Variants in BRINP3 observed in about 807,000 individuals in gnomAD.
BRINP3 encodes the protein BMP/retinoic acid-inducible neural-specific protein 3.
A neutral mutation model predicts 71.0 loss-of-function variants in BRINP3; 19 were observed. The ratio of observed to expected loss-of-function variants is 0.27; its 90% CI spans 0.19 to 0.39. The LOEUF (loss-of-function observed/expected upper bound fraction) is 0.39. BRINP3 is among the 10% of genes least tolerant of loss of function. The pLI is 1.00. For missense variants in BRINP3, 959 were observed against 940.8 expected, an observed-to-expected ratio of 1.02 and a Z score of -0.25; for synonymous variants, 380 against 337.7, an observed-to-expected ratio of 1.13 and a Z score of -1.37.
At chr1:190,368,183 C>T (rs1178382078) in intron 2 of BRINP3, among the ~76,000 whole-genome samples, 3 of 152,052 alleles carry the variant, frequency 2.0e-5, no homozygotes, top group African/African-American at 7.2e-5. Context: ...ACTGGGGAGG[C>T]CTCAGGAAAC....
intron 2 of BRINP3, among the ~76,000 whole-genome samples, chr1:190,301,207 A>G (rs1377090119): frequency 5.5e-5 from 1 of 18,274 alleles, no homozygotes; most frequent in African/African-American, 1.5e-4. Flanking sequence ...ACACATACAT[A>G]TATATATATA....
chr1:190,204,127 A>G (rs970976425), intron 6 of BRINP3, among the ~76,000 whole-genome samples: 3 of 151,866 alleles, frequency 2.0e-5, no homozygotes, highest in Admixed American at 6.6e-5. Flanking sequence ...TTTTTCTTGA[A>G]TAAGAGCTGG....
chr1:190,396,000 AGG>A (rs1216233512), intron 2 of BRINP3, among the ~76,000 whole-genome samples: 1 of 151,850 alleles, frequency 6.6e-6, no homozygotes, highest in African/African-American at 2.4e-5. Context: ...GAAGCAAGGA[AGG>A]AAGGAAGGAG....
chr1:190,410,473 A>T (rs1414153993), intron 2 of BRINP3, among the ~76,000 whole-genome samples: 1 of 152,118 alleles, frequency 6.6e-6, no homozygotes, highest in Non-Finnish European at 1.5e-5. Context: ...ATATTAGAAG[A>T]CAGTCTGAGG....
chr1:190,394,242 T>C (rs1671433081), intron 2 of BRINP3, among the ~76,000 whole-genome samples: 1 of 151,546 alleles, frequency 6.6e-6, no homozygotes, highest in Non-Finnish European at 1.5e-5. Context: ...TTCTCTCTCT[T>C]TTCACTTATG....
chr1:190,412,165 G>C (rs1015555572), intron 2 of BRINP3, among the ~76,000 whole-genome samples: 2 of 151,792 alleles, frequency 1.3e-5, no homozygotes, highest in Middle Eastern at 3.2e-3. Flanking sequence ...GTACCTAACA[G>C]AAAAAGAGTA....
chr1:190,155,047 C>T (rs1351661656), intron 7 of BRINP3, among the ~76,000 whole-genome samples: 2 of 152,014 alleles, frequency 1.3e-5, no homozygotes, highest in Non-Finnish European at 2.9e-5. Context: ...AATGTAAAGG[C>T]TTTTCTCATG....
chr1:190,115,724 A>C (rs138806105), intron 7 of BRINP3, among the ~76,000 whole-genome samples: 1 of 152,144 alleles, frequency 6.6e-6, no homozygotes, highest in Non-Finnish European at 1.5e-5. Context: ...CTTAGGACAG[A>C]TAAGAGAAGA....
At chr1:190,225,796 A>G (rs1300548605) in intron 6 of BRINP3, among the ~76,000 whole-genome samples, 1 of 151,956 alleles carries the variant, frequency 6.6e-6, no homozygotes, top group Non-Finnish European at 1.5e-5. Context: ...GAGGTATCAG[A>G]TGATAACTTA....
chr1:190,191,360 G>A (rs1194632354), intron 6 of BRINP3, among the ~76,000 whole-genome samples: 1 of 151,946 alleles, frequency 6.6e-6, no homozygotes, highest in Non-Finnish European at 1.5e-5. Context: ...CGTGTGCCAT[G>A]GTAGTTTGCT....
chr1:190,467,482 G>A (rs184297564), intron 1 of BRINP3, among the ~76,000 whole-genome samples: 29 of 151,584 alleles, frequency 1.9e-4, no homozygotes, highest in Admixed American at 8.6e-4. Context: ...AGTAAAGCAT[G>A]TCAGAACTCT....
intron 2 of BRINP3, among the ~76,000 whole-genome samples, chr1:190,445,488 ACAT>A (rs939973571): frequency 1.3e-5 from 2 of 152,244 alleles, no homozygotes; most frequent in Non-Finnish European, 2.9e-5. Flanking sequence ...TTAGTGAGAA[ACAT>A]CATAATGCAA....
rs922619370 is a variant in BRINP3 at position 190,389,561 on chromosome 1, G to A, written c.236+65094C>T. Among the ~76,000 whole-genome samples the A allele has an allele frequency of 4.0e-5, 6 of 151,784 alleles. No homozygotes were observed. In the South Asian group the frequency reaches 6.2e-4, roughly 16 times the overall value. ...AGGGAAACACATTGGACCTAATTTGGCCCGTAACATTGAAGTGAGTAGCTA... is the reference window on the plus strand; with the variant it reads ...AGGGAAACACATTGGACCTAATTTGACCCGTAACATTGAAGTGAGTAGCTA... On this transcript the variant is annotated intron_variant, in intron 2 of 7. Coordinates refer to ENST00000367462, the MANE Select transcript of BRINP3 (RefSeq NM_199051.3).
intron 6 of BRINP3, among the ~76,000 whole-genome samples, chr1:190,164,829 A>G (rs189240173): frequency 6.6e-5 from 10 of 151,704 alleles, no homozygotes; most frequent in African/African-American, 2.2e-4. Context: ...CATCTCATCG[A>G]CCCAAAACGC....
intron 2 of BRINP3, among the ~76,000 whole-genome samples, chr1:190,338,928 G>A (rs577453223): frequency 6.6e-6 from 1 of 151,504 alleles, no homozygotes; most frequent in African/African-American, 2.4e-5. Flanking sequence ...ATAGTTACAA[G>A]GTGTGATGGT....
rs998818336 is a variant in BRINP3 at position 190,448,515 on chromosome 1, C to A, written c.236+6140G>T. On this transcript the variant is annotated intron_variant, in intron 2 of 7. Transcript: ENST00000367462. ...TGTGATCTATTTCATCCATAAAAATCAAAATAGCAGATTAAAGTTTCTTGT... is the reference window on the plus strand; with the variant it reads ...TGTGATCTATTTCATCCATAAAAATAAAAATAGCAGATTAAAGTTTCTTGT... Among the ~76,000 whole-genome samples, 15 of 148,662 alleles carry A rather than the reference C, an allele frequency of 1.0e-4. No individual in the cohort carries two copies. In the South Asian group the frequency reaches 3.2e-3, roughly 32 times the overall value.
intron 1 of BRINP3, among the ~76,000 whole-genome samples, chr1:190,470,685 T>G (rs1421524650): frequency 6.6e-6 from 1 of 151,174 alleles, no homozygotes; most frequent in Non-Finnish European, 1.5e-5. Context: ...TTTCTCAGTT[T>G]AGTAGATTGC....
chr1:190,422,028 G>C (rs1272785255), intron 2 of BRINP3, among the ~76,000 whole-genome samples: 1 of 151,692 alleles, frequency 6.6e-6, no homozygotes. Context: ...GTTTCCCAGA[G>C]TGACACTGGT....
intron 7 of BRINP3, among the ~76,000 whole-genome samples, chr1:190,117,488 C>T (rs1653245570): frequency 6.6e-6 from 1 of 151,938 alleles, no homozygotes; most frequent in Admixed American, 6.6e-5. Context: ...TAGCCTCAAA[C>T]ATTACTCAAA....
Sources: allele counts gnomAD v4.1 joint callset (sites outside exome capture counted in the v4.1 genomes callset), GRCh38; gene constraint gnomAD v4.1.1; transcripts MANE v1.5; gene names NCBI Gene and HGNC (gene_info 2026-07-23, HGNC 2026-07-21).